Variants in MBP observed in about 807,000 individuals in gnomAD.
The protein encoded by MBP is myelin basic protein.
A neutral mutation model predicts 35.8 loss-of-function variants in MBP; 16 were observed. The ratio of observed to expected loss-of-function variants is 0.45; its 90% CI spans 0.30 to 0.68. The LOEUF (loss-of-function observed/expected upper bound fraction) is 0.68. Among genes scored for constraint, MBP ranks in the 30% least tolerant of loss-of-function variants. The pLI, the probability that MBP is intolerant of heterozygous loss-of-function variation, is 0.08. For synonymous variants in MBP, 143 were observed against 159.6 expected (o/e 0.90, Z 0.78); for missense variants, 380 against 404.7 (o/e 0.94, Z 0.52).
chr18:76,984,689 C>A (rs933913562), intron 8 of MBP, 86 bp downstream of exon 8: 1 of 1,579,346 alleles, frequency 6.3e-7, no homozygotes, highest in Non-Finnish European at 8.7e-7. Context: ...GAGCCAGAGG[C>A]GGCAGCCACC....
intron 4 of MBP, among the ~76,000 whole-genome samples, chr18:76,994,048 G>T (rs1268589946): frequency 6.6e-6 from 1 of 152,222 alleles, no homozygotes; most frequent in African/African-American, 2.4e-5. Context: ...GTTGTATTTA[G>T]TCACCACTAA....
chr18:77,057,824 G>GTTTTTTTTTTT (rs780881071), intron 3 of MBP, among the ~76,000 whole-genome samples: 1,288 of 9,242 alleles, frequency 0.14, 577 homozygotes, highest in East Asian at 0.26. Context: ...GGCGGGGAGT[G>GTTTTTTTTTTT]TTTTTTTTTT....
intron 1 of MBP, chr18:77,109,585 C>T (rs1039659153): frequency 6.6e-6 from 1 of 152,200 alleles, no homozygotes; most frequent in African/African-American, 2.4e-5. Context: ...ATAAATGCAT[C>T]GTGAGATAGA....
At chr18:77,029,692 T>C (rs1299350234) in intron 3 of MBP, among the ~76,000 whole-genome samples, 1 of 152,140 alleles carries the variant, frequency 6.6e-6, no homozygotes, top group Non-Finnish European at 1.5e-5. Context: ...AAAAGTAGTA[T>C]GTTTTGGTAG....
rs529217888 is a variant in MBP at position 77,101,449 on chromosome 18, T to A, written c.51+3762A>T. 1.3e-5 allele frequency among the ~76,000 whole-genome samples: 2 copies of A among 152,312 alleles called. No homozygotes were observed. Among genetic ancestry groups the A allele is most frequent in the African/African-American group, 4.8e-5 (2 of 41,572 alleles). On this transcript the variant is annotated intron_variant, in intron 2 of 8. Coordinates refer to ENST00000355994, the MANE Select transcript of MBP (RefSeq NM_001025101.2). The surrounding 1 kb of genome is among the most constrained non-coding windows in gnomAD (Gnocchi z 4.3). ...GAGCGCTGTGCCCTGAACCTGCGCC[T>A]GCCTGGAGGAAGTTACACTCCATCC...
chr18:77,039,632 C>G (rs997543161), intron 3 of MBP, among the ~76,000 whole-genome samples: 1 of 152,144 alleles, frequency 6.6e-6, no homozygotes, highest in Non-Finnish European at 1.5e-5. Context: ...ACCCCACATG[C>G]CAGGGGACAG....
chr18:77,130,509 A>G (rs1425100176), intron 1 of MBP, among the ~76,000 whole-genome samples: 1 of 151,934 alleles, frequency 6.6e-6, no homozygotes, highest in Non-Finnish European at 1.5e-5. Flanking sequence ...GGCAACGTGC[A>G]AGCAGTCGAT....
At chr18:77,116,730 A>C (rs1976675455) in intron 1 of MBP, among the ~76,000 whole-genome samples, 1 of 152,182 alleles carries the variant, frequency 6.6e-6, no homozygotes, top group Admixed American at 6.5e-5. Flanking sequence ...ATGGTGGTGC[A>C]TGCCTGTAAT....
intron 1 of MBP, chr18:77,115,135 C>T (rs549977450): frequency 2.0e-5 from 3 of 152,364 alleles, no homozygotes; most frequent in African/African-American, 4.8e-5. Flanking sequence ...CCTCCTGAGC[C>T]GTGGCAGGGA....
At position 76,988,840 on chromosome 18, in the gene MBP, A is replaced by G; in HGVS notation, c.717+37T>C. 1 of 1,597,514 alleles carries G rather than the reference A, an allele frequency of 6.3e-7. No individual in the cohort carries two copies. Among genetic ancestry groups the G allele is most frequent in the South Asian group, 1.1e-5 (1 of 89,528 alleles). On this transcript the variant is annotated intron_variant, in intron 6 of 8. Transcript: ENST00000355994. This position sits in a 1 kb window ranked among gnomAD's most constrained non-coding sequence, Gnocchi z 5.2. ...TGGGATTTTAGAGAAGGTCTATCAG[A>G]AAAGTGATGATCAATCAAAACATTC...
chr18:77,131,035 A>C lies in MBP; in HGVS notation c.-26+1545T>G, dbSNP rs1443158447. On this transcript the variant is annotated intron_variant, in intron 1 of 8. Coordinates refer to ENST00000355994, the MANE Select transcript of MBP (RefSeq NM_001025101.2). This position sits in a 1 kb window ranked among gnomAD's most constrained non-coding sequence, Gnocchi z 5.5. Reference sequence around the variant, plus strand: ...TTTCTGTTTTTCCCACAAAAAAAAAAAAAAAACAAAACCTCAAAAAACAAA... The same window carrying C: ...TTTCTGTTTTTCCCACAAAAAAAAACAAAAAACAAAACCTCAAAAAACAAA... 1.3e-5 allele frequency among the ~76,000 whole-genome samples: 2 copies of C among 151,100 alleles called. No homozygotes were observed. Among genetic ancestry groups the C allele is most frequent in the African/African-American group, 2.4e-5 (1 of 41,122 alleles).
At chr18:77,018,946 A>T (rs139331443) in intron 3 of MBP, among the ~76,000 whole-genome samples, 24 of 145,306 alleles carry the variant, frequency 1.7e-4, no homozygotes, top group Non-Finnish European at 3.6e-4. Flanking sequence ...CTACCTGTTC[A>T]TCCATCCATC....
rs375948656 is a variant in MBP, at chr18:76,988,908, G to A, written c.686C>T (p.Thr229Met). ...PVVHFFKNIV[T>M]PRTPPPSQGK... The stretch of plus-strand genomic sequence containing the variant: ...CTGCGACGGGGGTGGTGTGCGAGGC[G>A]TCACCTGGAAAGACACAGAGAACCG... The change falls in exon 6 of 9, where the codon ACG becomes ATG. Residue 229 changes from threonine (T) to methionine (M), a missense_variant. Transcript: ENST00000355994. This position sits in a 1 kb window ranked among gnomAD's most constrained non-coding sequence, Gnocchi z 5.2. 3.7e-6 allele frequency: 6 copies of A among 1,613,912 alleles called. No homozygotes were observed. Among genetic ancestry groups the A allele is most frequent in the Middle Eastern group, 1.7e-4 (1 of 6,058 alleles).
chr18:77,129,121 T>C (rs935017509), intron 1 of MBP, among the ~76,000 whole-genome samples: 14 of 152,232 alleles, frequency 9.2e-5, no homozygotes, highest in African/African-American at 3.4e-4. Flanking sequence ...TTGTTTCAAA[T>C]TACCACATTT....
intron 1 of MBP, among the ~76,000 whole-genome samples, chr18:77,128,811 A>G (rs1280179188): frequency 6.6e-6 from 1 of 152,248 alleles, no homozygotes; most frequent in Non-Finnish European, 1.5e-5. Flanking sequence ...GGAGATACCT[A>G]GAAGTGGAAT....
chr18:77,122,145 T>C (rs1409085788), intron 1 of MBP, among the ~76,000 whole-genome samples: 3 of 152,210 alleles, frequency 2.0e-5, no homozygotes, highest in Non-Finnish European at 2.9e-5. Context: ...CGCCTCAGTT[T>C]ATGCAACAAG....
chr18:77,097,182 C>T (rs1297209478), intron 2 of MBP: 1 of 152,274 alleles, frequency 6.6e-6, no homozygotes, highest in Admixed American at 6.5e-5. Flanking sequence ...TCCCCTGATC[C>T]TTTGGATAAT....
intron 4 of MBP, among the ~76,000 whole-genome samples, chr18:76,997,306 T>C (rs1268061682): frequency 6.6e-6 from 1 of 152,196 alleles, no homozygotes; most frequent in Non-Finnish European, 1.5e-5. Flanking sequence ...GAAAAGAGCT[T>C]GCTGCAGGGA....
At chr18:77,071,762 T>C (rs1974461220) in intron 2 of MBP, among the ~76,000 whole-genome samples, 1 of 152,124 alleles carries the variant, frequency 6.6e-6, no homozygotes, top group African/African-American at 2.4e-5. Flanking sequence ...GAAGCCAAAT[T>C]GGGTGCTTCA....
Sources: gnomAD v4.1 joint callset for allele counts (sites outside exome capture counted in the v4.1 genomes callset) on GRCh38, gnomAD v4.1.1 for gene constraint, Gnocchi (gnomAD v3.1) non-coding constraint, MANE v1.5 for transcripts, NCBI Gene and HGNC (gene_info 2026-07-23, HGNC 2026-07-21) for gene names.